Variants in GLRA1 observed in about 807,000 individuals in gnomAD.
GLRA1 encodes glycine receptor subunit alpha-1.
In GLRA1, 37 loss-of-function variants were observed where a neutral mutation model predicts 48.3. The observed-to-expected ratio is 0.77, with a 90% CI of 0.59 to 1.01. GLRA1 has a LOEUF of 1.01. Among genes scored for constraint, GLRA1 ranks in the 50% least tolerant of loss-of-function variants. The probability of loss-of-function intolerance (pLI) is 0.00; values close to 1 mark genes in which losing one functional copy is unlikely to be tolerated. For synonymous variants in GLRA1, 196 were observed against 210.7 expected (o/e 0.93, Z 0.60); for missense variants, 427 against 571.0 (o/e 0.75, Z 2.57).
At chr5:151,863,970 C>A (rs1194044346) in intron 3 of GLRA1, among the ~76,000 whole-genome samples, 1 of 152,198 alleles carries the variant, frequency 6.6e-6, no homozygotes, top group Non-Finnish European at 1.5e-5. Context: ...GCCTCATAAT[C>A]TCACATCTTA....
At chr5:151,892,174 G>C in intron 2 of GLRA1, 137 bp downstream of exon 2, 1 of 828,914 alleles carries the variant, frequency 1.2e-6, no homozygotes, top group Non-Finnish European at 2.0e-6. Context: ...AATTGATTAA[G>C]AATGTCTGCC....
intron 7 of GLRA1, chr5:151,848,855 G>T: frequency 1.7e-6 from 1 of 584,214 alleles, no homozygotes; most frequent in Non-Finnish European, 3.3e-6. Context: ...TTACCCGCCC[G>T]CCTGCTCAGC....
At chr5:151,893,362 T>TTCTTTCTTTC (rs1554086385) in intron 1 of GLRA1, among the ~76,000 whole-genome samples, 2 of 133,010 alleles carry the variant, frequency 1.5e-5, no homozygotes, top group African/African-American at 2.9e-5. Context: ...CTTTCTTTCA[T>TTCTTTCTTTC]TTTAGTTCTG....
At chr5:151,851,651 CA>C (rs760827306) in intron 6 of GLRA1, 47 bp from the exon 7 acceptor site, 4 of 1,303,354 alleles carry the variant, frequency 3.1e-6, no homozygotes, top group Non-Finnish European at 4.5e-6. Flanking sequence ...GTGAATAGGA[CA>C]AAAGGCTTTA....
chr5:151,822,853 G>C lies in GLRA1; in HGVS notation c.1170C>G (p.Thr390=). ...TAGATGGTGCAGGAGGGGGGTTGGT[G>C]GTGTTACTGTTGTTGGCGCCCTTGA... ...ISVKGANNSN[T]TNPPPAPSKS... is the part of the protein sequence containing the mutation. The change falls in exon 9 of 9, where the codon ACC becomes ACG. Residue 390 remains threonine, a synonymous_variant. Transcript: ENST00000274576. 6 of 1,614,140 alleles carry C rather than the reference G, an allele frequency of 3.7e-6. No individual in the cohort carries two copies. Among genetic ancestry groups the C allele is most frequent in the African/African-American group, 1.3e-5 (1 of 75,032 alleles).
At chr5:151,837,752 T>C (rs1763613293) in intron 7 of GLRA1, among the ~76,000 whole-genome samples, 1 of 151,218 alleles carries the variant, frequency 6.6e-6, no homozygotes, top group Admixed American at 6.6e-5. Context: ...TAAATGGGAG[T>C]TCAACAATGA....
In GLRA1 at chr5:151,873,388, C is replaced by T. The variant is rs553761181; in HGVS notation, c.252+13333G>A. On this transcript the variant is annotated intron_variant, in intron 3 of 8. Transcript: ENST00000274576. The stretch of plus-strand genomic sequence containing the variant: ...ATCAGATTTACCTTACAGCCAGGCG[C>T]GGTGGCTCATGCCTATAATCCCAGC... Among the ~76,000 whole-genome samples the T allele has an allele frequency of 7.4e-5, 11 of 149,618 alleles. 2 individuals carry two copies. The highest frequency in any genetic ancestry group is 2.1e-4 in the South Asian group (1 of 4,808).
chr5:151,854,253 C>G (rs1752979509), intron 6 of GLRA1, among the ~76,000 whole-genome samples: 1 of 152,216 alleles, frequency 6.6e-6, no homozygotes, highest in Non-Finnish European at 1.5e-5. Flanking sequence ...CCAAGACAGA[C>G]TGCAGCCCAG....
chr5:151,854,988 C>T, intron 6 of GLRA1, 52 bp downstream of exon 6: 3 of 1,583,742 alleles, frequency 1.9e-6, no homozygotes, highest in East Asian at 4.5e-5. Flanking sequence ...CTGAAATGAC[C>T]TCTGGTCCTG....
chr5:151,898,002 T>C (rs1754264564), intron 1 of GLRA1, among the ~76,000 whole-genome samples: 1 of 152,168 alleles, frequency 6.6e-6, no homozygotes, highest in African/African-American at 2.4e-5. Context: ...AGATGTTACT[T>C]CTAATGACAG....
intron 7 of GLRA1, among the ~76,000 whole-genome samples, chr5:151,848,336 G>A (rs1225488914): frequency 6.6e-6 from 1 of 152,186 alleles, no homozygotes; most frequent in Non-Finnish European, 1.5e-5. Flanking sequence ...GGCACGCTGA[G>A]CCTCTAATGA....
At chr5:151,846,901 A>T (rs1752686486) in intron 7 of GLRA1, among the ~76,000 whole-genome samples, 1 of 152,176 alleles carries the variant, frequency 6.6e-6, no homozygotes, top group South Asian at 2.1e-4. Flanking sequence ...TAAAGATGTG[A>T]TAATGTCATT....
intron 1 of GLRA1, among the ~76,000 whole-genome samples, chr5:151,896,780 A>G (rs977080708): frequency 1.7e-4 from 26 of 152,226 alleles, no homozygotes; most frequent in Admixed American, 1.4e-3. Flanking sequence ...AAAGGAAACT[A>G]TATTTCACTA....
chr5:151,829,206 G>T, intron 7 of GLRA1, 139 bp from the exon 8 acceptor site: 1 of 774,662 alleles, frequency 1.3e-6, no homozygotes, highest in Non-Finnish European at 2.1e-6. Flanking sequence ...ATATTAGGGT[G>T]GAGGTATAGA....
At chr5:151,915,714 T>TAA (rs2080035871) in intron 1 of GLRA1, among the ~76,000 whole-genome samples, 1 of 108,150 alleles carries the variant, frequency 9.2e-6, no homozygotes, top group South Asian at 2.5e-4. Context: ...GTATATGTAA[T>TAA]ACATATATAT....
At chr5:151,899,204 T>C (rs1754305044) in intron 1 of GLRA1, among the ~76,000 whole-genome samples, 1 of 152,202 alleles carries the variant, frequency 6.6e-6, no homozygotes, top group Admixed American at 6.5e-5. Context: ...GTTTAGGTAC[T>C]TAAGAAATTA....
chr5:151,877,978 T>A (rs1300700382), intron 3 of GLRA1, among the ~76,000 whole-genome samples: 1 of 152,206 alleles, frequency 6.6e-6, no homozygotes, highest in Non-Finnish European at 1.5e-5. Context: ...TGGGCACTGC[T>A]GAAAAGATAC....
chr5:151,878,635 G>T (rs539840879), intron 3 of GLRA1, among the ~76,000 whole-genome samples: 4 of 152,300 alleles, frequency 2.6e-5, no homozygotes, highest in Admixed American at 2.6e-4. Flanking sequence ...TAGAGACTTG[G>T]TGCCCTGTGT....
In GLRA1 at chr5:151,835,257, A is replaced by T. The variant is rs188985279; in HGVS notation, c.913-6190T>A. On this transcript the variant is annotated intron_variant, in intron 7 of 8. Coordinates refer to ENST00000274576, the MANE Select transcript of GLRA1 (RefSeq NM_000171.4). ...TGAATCCCGGAAAAGGTCAATAACA[A>T]GTCTGAAATTGACACAGTAATTAAT... 1.8e-4 allele frequency among the ~76,000 whole-genome samples: 27 copies of T among 152,272 alleles called. No individual in the cohort carries two copies. The East Asian group carries it at 4.8e-3, about 27-fold the overall frequency.
Sources: gnomAD v4.1 joint callset for allele counts (sites outside exome capture counted in the v4.1 genomes callset) on GRCh38, gnomAD v4.1.1 for gene constraint, MANE v1.5 for transcripts, NCBI Gene and HGNC (gene_info 2026-07-23, HGNC 2026-07-21) for gene names.